The following ZKSCAN5 variants were observed in gnomAD, a reference collection of about 807,000 sequenced individuals.
ZKSCAN5 encodes the protein zinc finger protein with KRAB and SCAN domains 5.
ZKSCAN5 carries 28 observed loss-of-function variants against 60.0 expected under a neutral mutation model. That is an observed-to-expected ratio of 0.47 (90% CI 0.35 to 0.64). ZKSCAN5 has a LOEUF of 0.64. ZKSCAN5 is among the 30% of genes least tolerant of loss of function. The probability of loss-of-function intolerance (pLI) is 0.01; values close to 1 mark genes in which losing one functional copy is unlikely to be tolerated. For synonymous variants in ZKSCAN5, 361 were observed against 371.2 expected (o/e 0.97, Z 0.31); for missense variants, 881 against 1,034.6 (o/e 0.85, Z 2.04).
chr7:99,521,077 C>G (rs1801517506), intron 5 of ZKSCAN5, among the ~76,000 whole-genome samples: 1 of 152,160 alleles, frequency 6.6e-6, no homozygotes, highest in Non-Finnish European at 1.5e-5. Flanking sequence ...AGCACTCCTG[C>G]AAACATTTTG....
rs1368896624 is a variant in ZKSCAN5, at chr7:99,506,015, C to A, written c.-30C>A. On this transcript the variant is annotated 5_prime_UTR_variant, in exon 2 of 7. Transcript: ENST00000326775. ...AAACAATTGTTTCAGTGTAACACAG[C>A]CAGCCTCGAAGACTTCCCTCTGAGT... The A allele has an allele frequency of 1.2e-6, 2 of 1,601,270 alleles. No individual in the cohort carries two copies. Among genetic ancestry groups the A allele is most frequent in the Non-Finnish European group, 1.7e-6 (2 of 1,172,550 alleles).
chr7:99,531,425 C>A lies in ZKSCAN5; in HGVS notation c.1696C>A (p.Gln566Lys). The A allele has an allele frequency of 6.2e-7, 1 of 1,614,194 alleles. No homozygotes were observed. The highest frequency in any genetic ancestry group is 1.1e-5 in the South Asian group (1 of 91,070). Residue 566 changes from glutamine to lysine, a missense_variant, in exon 7 of 7, where the codon CAA becomes AAA. By Grantham distance (53) the Gln-to-Lys change is moderately conservative. Coordinates refer to ENST00000326775, the MANE Select transcript of ZKSCAN5 (RefSeq NM_145102.4). ...KSFIQSAHLI[Q>K]HQRIHTGEKP... ...CTTCATTCAGAGTGCACATCTTATT[C>A]AACATCAAAGAATACACACTGGGGA... is the stretch of plus-strand genomic sequence containing the variant.
chr7:99,511,473 T>C (rs1287765596), intron 2 of ZKSCAN5, among the ~76,000 whole-genome samples: 1 of 152,180 alleles, frequency 6.6e-6, no homozygotes, highest in Non-Finnish European at 1.5e-5. Flanking sequence ...AGACAGGGTC[T>C]TGCTCTGTCA....
rs759815753 is a variant in ZKSCAN5 at position 99,532,272 on chromosome 7, A to C, written c.*23A>C. 1 of 1,530,172 alleles carries C rather than the reference A, an allele frequency of 6.5e-7. No individual in the cohort carries two copies. The highest frequency in any genetic ancestry group is 2.3e-5 in the East Asian group (1 of 44,324). The allele number at this position is 1,530,172 out of a possible 1,614,324, so 94.8% of individuals were successfully genotyped here. ...TAGAATAGCTCTTAATTTTAGAGAA[A>C]CCTTCCTGGAGGGAAACCATACTCC... On this transcript the variant is annotated 3_prime_UTR_variant, in exon 7 of 7. Transcript: ENST00000326775.
chr7:99,510,422 T>C (rs1418838760), intron 2 of ZKSCAN5, among the ~76,000 whole-genome samples: 1 of 151,896 alleles, frequency 6.6e-6, no homozygotes, highest in Non-Finnish European at 1.5e-5. Context: ...GGATTTTGTT[T>C]ATTTTTTATT....
chr7:99,512,927 C>T (rs559677692), intron 3 of ZKSCAN5, among the ~76,000 whole-genome samples: 19 of 151,450 alleles, frequency 1.3e-4, no homozygotes, highest in African/African-American at 3.4e-4. Flanking sequence ...GCTGCACCCA[C>T]TAACTCGTCA....
At chr7:99,512,975 C>G (rs527471142) in intron 3 of ZKSCAN5, among the ~76,000 whole-genome samples, 124 of 105,008 alleles carry the variant, frequency 1.2e-3, no homozygotes, top group Admixed American at 3.2e-3. Context: ...TATCCCTCCC[C>G]CCTCCCCCCA....
At chr7:99,513,855 C>A in intron 3 of ZKSCAN5, 1 of 175,276 alleles carries the variant, frequency 5.7e-6, no homozygotes, top group Non-Finnish European at 1.3e-5. Flanking sequence ...TGATGAAACC[C>A]CGTCATGATG....
At chr7:99,528,143 T>C (rs1214054579) in intron 6 of ZKSCAN5, among the ~76,000 whole-genome samples, 2 of 151,160 alleles carry the variant, frequency 1.3e-5, no homozygotes, top group African/African-American at 4.9e-5. Flanking sequence ...TTTTTTTAAT[T>C]CTGCCTTTGA....
At chr7:99,520,091 C>A in intron 4 of ZKSCAN5, 78 bp from the exon 5 acceptor site, 2 of 1,567,974 alleles carry the variant, frequency 1.3e-6, no homozygotes, top group Middle Eastern at 1.7e-4. Flanking sequence ...TGTTTCTTTT[C>A]TTAATGAGCC....
At position 99,526,383 on chromosome 7, in the gene ZKSCAN5, A is replaced by G; in HGVS notation, c.1343A>G (p.His448Arg). ...GGTCGCCATTCGCATCTGATCGAAC[A>G]CCTAAAACGCCACTTCAGGGAGAAA... is the stretch of plus-strand genomic sequence containing the variant. ...NFGRHSHLIE[H>R]LKRHFREKSQ... The change falls in exon 6 of 7, where the codon CAC (histidine) becomes CGC (arginine). Residue 448 changes from histidine to arginine, a missense_variant. Physicochemically the swap from His to Arg is conservative, Grantham distance 29. Transcript: ENST00000326775. 6.2e-7 allele frequency: 1 copy of G among 1,601,730 alleles called. No homozygotes were observed. Among genetic ancestry groups the G allele is most frequent in the African/African-American group, 1.3e-5 (1 of 75,026 alleles).
intron 5 of ZKSCAN5, among the ~76,000 whole-genome samples, chr7:99,523,255 G>A (rs1476298560): frequency 1.3e-5 from 2 of 151,660 alleles, no homozygotes; most frequent in Non-Finnish European, 2.9e-5. Context: ...GAGATCTGGG[G>A]TACAGGAAGG....
In ZKSCAN5 at chr7:99,533,194, G is replaced by A. The variant is rs1294002612; in HGVS notation, c.*945G>A. 1 of 627,598 alleles carries A rather than the reference G, an allele frequency of 1.6e-6. No individual in the cohort carries two copies. Among genetic ancestry groups the A allele is most frequent in the Non-Finnish European group, 3.0e-6 (1 of 337,350 alleles). The allele number at this position is 627,598 out of a possible 1,614,324, so 38.9% of individuals were successfully genotyped here. Reference sequence around the variant, plus strand: ...CAGAAATAGACCTCTCCTGTAGAGTGGTGATATACAGAATGAGTTTCAGTT... The same window carrying A: ...CAGAAATAGACCTCTCCTGTAGAGTAGTGATATACAGAATGAGTTTCAGTT... On this transcript the variant is annotated 3_prime_UTR_variant, in exon 7 of 7. Transcript: ENST00000326775.
chr7:99,533,674 T>G lies in ZKSCAN5; in HGVS notation c.*1425T>G. 1 of 401,758 alleles carries G rather than the reference T, an allele frequency of 2.5e-6. No homozygotes were observed. The highest frequency in any genetic ancestry group is 4.4e-6 in the Non-Finnish European group (1 of 227,998). The allele number at this position is 401,758 out of a possible 1,614,324, so 24.9% of individuals were successfully genotyped here. ...TTCATTTGATTAAAGCGGAGAAAAC[T>G]CCAGGGTGCTATGACTGCTCTGGCA... On this transcript the variant is annotated 3_prime_UTR_variant, in exon 7 of 7. Transcript: ENST00000326775.
At chr7:99,505,660 G>A in intron 1 of ZKSCAN5, 1 of 170,636 alleles carries the variant, frequency 5.9e-6, no homozygotes, top group Non-Finnish European at 1.3e-5. Flanking sequence ...GAGAAAGAGC[G>A]GCTGCGTCTG....
chr7:99,506,031 C>T lies in ZKSCAN5; in HGVS notation c.-14C>T. 6.2e-7 allele frequency: 1 copy of T among 1,605,354 alleles called. No individual in the cohort carries two copies. Among genetic ancestry groups the T allele is most frequent in the East Asian group, 2.2e-5 (1 of 44,726 alleles). On this transcript the variant is annotated 5_prime_UTR_variant, in exon 2 of 7. Transcript: ENST00000326775. ...GTAACACAGCCAGCCTCGAAGACTT[C>T]CCTCTGAGTTGGAATGATAATGACC... is the stretch of plus-strand genomic sequence containing the variant.
At chr7:99,520,348 G>C in intron 5 of ZKSCAN5, 44 bp downstream of exon 5, 2 of 1,556,552 alleles carry the variant, frequency 1.3e-6, no homozygotes, top group Non-Finnish European at 1.7e-6. Context: ...TGTTTATTTT[G>C]TTATCTTGTA....
intron 2 of ZKSCAN5, among the ~76,000 whole-genome samples, chr7:99,510,178 C>G (rs1800952445): frequency 6.6e-6 from 1 of 151,982 alleles, no homozygotes; most frequent in Non-Finnish European, 1.5e-5. Context: ...AAGGGATCCT[C>G]CTGCGTTGGC....
intron 3 of ZKSCAN5, among the ~76,000 whole-genome samples, chr7:99,518,072 T>C (rs1194034361): frequency 6.6e-6 from 1 of 152,168 alleles, no homozygotes; most frequent in Non-Finnish European, 1.5e-5. Flanking sequence ...TTTCTGAGGC[T>C]GTGGTAATCC....
Sources: allele counts gnomAD v4.1 joint callset (sites outside exome capture counted in the v4.1 genomes callset), GRCh38; gene constraint gnomAD v4.1.1; transcripts MANE v1.5; gene names NCBI Gene and HGNC (gene_info 2026-07-23, HGNC 2026-07-21).